The following NEK11 variants were observed in gnomAD, a reference collection of about 807,000 sequenced individuals.
The protein encoded by NEK11 is NIMA related kinase 11.
Under a neutral mutation model 80.7 loss-of-function variants are expected in NEK11, and 72 were observed. The observed-to-expected ratio is 0.89, with a 90% CI of 0.74 to 1.08. NEK11 has a LOEUF of 1.08. Among genes scored for constraint, NEK11 ranks in the 50% least tolerant of loss-of-function variants. NEK11 has a pLI of 0.00. For missense variants in NEK11, 764 were observed against 763.6 expected (o/e 1.00, Z -0.01); for synonymous variants, 251 against 260.7 (o/e 0.96, Z 0.36).
At chr3:131,126,878 T>A (rs1175590087) in intron 5 of NEK11, among the ~76,000 whole-genome samples, 1 of 151,876 alleles carries the variant, frequency 6.6e-6, no homozygotes, top group African/African-American at 2.4e-5. Flanking sequence ...GGAATCCATT[T>A]ATATATATAT....
intron 14 of NEK11, among the ~76,000 whole-genome samples, chr3:131,193,163 T>C (rs1579921243): frequency 6.6e-6 from 1 of 152,286 alleles, no homozygotes; most frequent in East Asian, 1.9e-4. Context: ...AATAAAAAAT[T>C]TGTTTAAAGA....
At chr3:131,334,832 T>C (rs1320600763) in intron 17 of NEK11, among the ~76,000 whole-genome samples, 1 of 152,182 alleles carries the variant, frequency 6.6e-6, no homozygotes, top group East Asian at 1.9e-4. Flanking sequence ...CAGAGAATAC[T>C]ACAAACACCT....
chr3:131,314,043 C>T (rs1163190782), intron 17 of NEK11, among the ~76,000 whole-genome samples: 1 of 152,150 alleles, frequency 6.6e-6, no homozygotes, highest in Admixed American at 6.5e-5. Context: ...CTTTGTTTAA[C>T]TATACCCAGT....
intron 17 of NEK11, among the ~76,000 whole-genome samples, chr3:131,319,996 C>T (rs2096881721): frequency 6.6e-6 from 1 of 151,896 alleles, no homozygotes; most frequent in Non-Finnish European, 1.5e-5. Context: ...TATGAAATTG[C>T]CCATATTTGA....
rs185921970 is a variant in NEK11 at position 131,191,143 on chromosome 3, A to T, written c.1399+20256A>T. Among the ~76,000 whole-genome samples, 32 of 152,310 alleles carry T rather than the reference A, an allele frequency of 2.1e-4. 1 individual carries two copies. Among genetic ancestry groups the T allele is most frequent in the African/African-American group, 7.5e-4 (31 of 41,566 alleles). ...TTCAGTTTTTTCTTTGATAATTTCA[A>T]AAAATACATTTAATACCTAGAAAAA... On this transcript the variant is annotated intron_variant, in intron 14 of 17. Transcript: ENST00000383366.
intron 16 of NEK11, among the ~76,000 whole-genome samples, chr3:131,245,570 A>T (rs964801085): frequency 6.6e-6 from 1 of 152,130 alleles, no homozygotes; most frequent in Non-Finnish European, 1.5e-5. Flanking sequence ...AATACTGTAT[A>T]AATGTTCCTT....
chr3:131,263,863 C>T (rs1440586075), intron 16 of NEK11, among the ~76,000 whole-genome samples: 1 of 152,194 alleles, frequency 6.6e-6, no homozygotes, highest in Admixed American at 6.6e-5. Context: ...TCCACATCCT[C>T]TCCAGCACCT....
chr3:131,199,236 TACCTAC>T (rs1382889777), intron 14 of NEK11, among the ~76,000 whole-genome samples: 1 of 152,148 alleles, frequency 6.6e-6, no homozygotes, highest in African/African-American at 2.4e-5. Context: ...ATATATGTTC[TACCTAC>T]CCCTTTAAAT....
At chr3:131,159,156 T>C (rs371037187) in intron 10 of NEK11, among the ~76,000 whole-genome samples, 4 of 152,170 alleles carry the variant, frequency 2.6e-5, no homozygotes, top group African/African-American at 7.2e-5. Flanking sequence ...TCTTCAAAGA[T>C]TGAAGGAACT....
rs2090414524 is a variant in NEK11 at position 131,155,034 on chromosome 3, A to AG, written c.877-1dup. ...ATATGTCAGGGTTGATCTTTTTTTC[A>AG]GAACCTAATGTGTAGATATTCAGAA... On this transcript the variant is annotated splice_acceptor_variant, in intron 9 of 17. Transcript: ENST00000383366. LOFTEE classifies it high-confidence loss of function. 1 of 1,586,182 alleles carries AG rather than the reference A, an allele frequency of 6.3e-7. No individual in the cohort carries two copies. The highest frequency in any genetic ancestry group is 1.7e-5 in the Admixed American group (1 of 59,684).
intron 17 of NEK11, among the ~76,000 whole-genome samples, chr3:131,348,360 G>A (rs761196513): frequency 4.6e-5 from 7 of 151,986 alleles, no homozygotes; most frequent in South Asian, 4.2e-4. Flanking sequence ...AACGACAACC[G>A]TGAAGAACCG....
chr3:131,098,190 A>T (rs1403441721), intron 4 of NEK11, among the ~76,000 whole-genome samples: 1 of 152,194 alleles, frequency 6.6e-6, no homozygotes, highest in Admixed American at 6.5e-5. Flanking sequence ...TAGACCTAAA[A>T]CCATAAAAAC....
intron 17 of NEK11, among the ~76,000 whole-genome samples, chr3:131,285,973 G>A (rs2096465397): frequency 6.6e-6 from 1 of 152,192 alleles, no homozygotes; most frequent in African/African-American, 2.4e-5. Flanking sequence ...TTACTTCTCA[G>A]AGCCTCAGTT....
chr3:131,120,282 T>G (rs1195171669), intron 5 of NEK11, among the ~76,000 whole-genome samples: 2 of 152,224 alleles, frequency 1.3e-5, no homozygotes, highest in Non-Finnish European at 2.9e-5. Flanking sequence ...AAAATTCTTT[T>G]CTTTAAGAAT....
chr3:131,228,405 C>G, intron 14 of NEK11, 123 bp from the exon 15 acceptor site: 1 of 754,316 alleles, frequency 1.3e-6, no homozygotes, highest in Non-Finnish European at 2.0e-6. Flanking sequence ...AGATTCAGCT[C>G]TACACTCCAT....
At chr3:131,158,722 C>T (rs1209949975) in intron 10 of NEK11, among the ~76,000 whole-genome samples, 1 of 152,218 alleles carries the variant, frequency 6.6e-6, no homozygotes, top group Non-Finnish European at 1.5e-5. Context: ...TGAATGCCCA[C>T]AGGGAGACAG....
At chr3:131,151,824 C>T (rs1427984576) in intron 7 of NEK11, among the ~76,000 whole-genome samples, 5 of 151,932 alleles carry the variant, frequency 3.3e-5, no homozygotes, top group Non-Finnish European at 5.9e-5. Context: ...CTGTTTCATA[C>T]TCACCATGGG....
At chr3:131,313,180 T>G (rs1025308093) in intron 17 of NEK11, among the ~76,000 whole-genome samples, 7 of 152,216 alleles carry the variant, frequency 4.6e-5, no homozygotes, top group African/African-American at 1.7e-4. Flanking sequence ...TGCATAGTAT[T>G]CCATGGTGTA....
chr3:131,195,435 G>A (rs2150322404), intron 14 of NEK11, among the ~76,000 whole-genome samples: 1 of 117,544 alleles, frequency 8.5e-6, no homozygotes, highest in East Asian at 2.1e-4. Context: ...TCCCATCTTT[G>A]AAATGTCTGT....
Sources: gnomAD v4.1 joint callset for allele counts (sites outside exome capture counted in the v4.1 genomes callset) on GRCh38, gnomAD v4.1.1 for gene constraint, MANE v1.5 for transcripts, NCBI Gene and HGNC (gene_info 2026-07-23, HGNC 2026-07-21) for gene names.